CXCL2: variants seen among roughly 807,000 people sequenced by gnomAD.
CXCL2 encodes the protein C-X-C motif chemokine ligand 2, also known as C-X-C motif chemokine 2.
In CXCL2, 12 loss-of-function variants were observed where a neutral mutation model predicts 11.2. That is an observed-to-expected ratio of 1.08 (90% confidence interval 0.69 to 1.74). The LOEUF is 1.74. CXCL2 is among the 40% of genes most tolerant of loss of function. CXCL2 has a pLI of 0.00. For synonymous variants in CXCL2, 68 were observed against 61.9 expected, an observed-to-expected ratio of 1.10 and a Z score of -0.47; for missense variants, 120 against 137.8, an observed-to-expected ratio of 0.87 and a Z score of 0.65.
chr4:74,098,928 G>A lies in CXCL2; in HGVS notation c.101-6C>T. ...TTCAGTGGCCAGGGGCGCTCCTAGGGAAGAAGAGACTCGCTGATTGAGCGG... is the reference window on the plus strand; with the variant it reads ...TTCAGTGGCCAGGGGCGCTCCTAGGAAAGAAGAGACTCGCTGATTGAGCGG... On this transcript the variant is annotated splice_polypyrimidine_tract_variant and splice_region_variant and intron_variant, in intron 1 of 3. Transcript: ENST00000508487. 1.2e-6 allele frequency: 2 copies of A among 1,612,190 alleles called. No individual in the cohort carries two copies. The highest frequency in any genetic ancestry group is 1.7e-6 in the Non-Finnish European group (2 of 1,179,352).
rs374705558 is a variant in CXCL2, at chr4:74,098,989, C to T, written c.100+32G>A. ...GCGGGGCGCCCACCCCAGCCGCGTCCGGCCCGGGGACCCCAGGGCGCCGGG... is the reference window on the plus strand; with the variant it reads ...GCGGGGCGCCCACCCCAGCCGCGTCTGGCCCGGGGACCCCAGGGCGCCGGG... On this transcript the variant is annotated intron_variant, in intron 1 of 3. Coordinates refer to ENST00000508487, the MANE Select transcript of CXCL2 (RefSeq NM_002089.4). 11 of 1,561,908 alleles carry T rather than the reference C, an allele frequency of 7.0e-6. No homozygotes were observed. In the African/African-American group the frequency reaches 7.1e-5, roughly 10 times the overall value.
chr4:74,098,755 C>A (rs1169744527), intron 2 of CXCL2, 44 bp downstream of exon 2: 1 of 1,613,304 alleles, frequency 6.2e-7, no homozygotes, highest in Admixed American at 1.7e-5. Flanking sequence ...GCGGGAGAGT[C>A]GGGGACCCCA....
intron 3 of CXCL2, 45 bp downstream of exon 3, chr4:74,098,556 G>T: frequency 1.3e-6 from 2 of 1,595,728 alleles, no homozygotes; most frequent in South Asian, 2.2e-5. Context: ...CAGTATTTCT[G>T]ACCAACAGCT....
At position 74,098,800 on chromosome 4, in the gene CXCL2, T is replaced by A. The variant is rs918820091; in HGVS notation, c.223A>T (p.Ile75Leu). The change falls in exon 2 of 4, where the codon ATA becomes TTA. Residue 75 changes from isoleucine (I) to leucine (L), a missense_variant and splice_region_variant. Physicochemically the swap from Ile to Leu is conservative, Grantham distance 5 (BLOSUM62 2). Transcript: ENST00000508487. The stretch of plus-strand genomic sequence containing the variant: ...GCGGCAGCGATGGGCGAGACTTACA[T>A]GACTTCGGTTTGGGCGCAGTGGGGT... Reference protein sequence around the residue: ...PGPHCAQTEVIATLKNGQKAC... With the variant: ...PGPHCAQTEVLATLKNGQKAC... 1.1e-5 allele frequency: 17 copies of A among 1,614,028 alleles called. No individual in the cohort carries two copies. The highest frequency in any genetic ancestry group is 1.4e-5 in the Non-Finnish European group (17 of 1,179,930).
In CXCL2 at chr4:74,098,924, T is replaced by C; in HGVS notation, c.101-2A>G. On this transcript the variant is annotated splice_acceptor_variant, in intron 1 of 3. Transcript: ENST00000508487. LOFTEE classifies it high-confidence loss of function. ...GCAGTTCAGTGGCCAGGGGCGCTCC[T>C]AGGGAAGAAGAGACTCGCTGATTGA... is the stretch of plus-strand genomic sequence containing the variant. 1 of 1,612,948 alleles carries C rather than the reference T, an allele frequency of 6.2e-7. No homozygotes were observed. Among genetic ancestry groups the C allele is most frequent in the South Asian group, 1.1e-5 (1 of 90,948 alleles).
At chr4:74,098,175 A>C (rs1560391894) in intron 3 of CXCL2, among the ~76,000 whole-genome samples, 1 of 152,220 alleles carries the variant, frequency 6.6e-6, no homozygotes, top group Non-Finnish European at 1.5e-5. Flanking sequence ...GGTGGCAACC[A>C]GTTATATACC....
Position 74,097,823 on chromosome 4 carries a change from A to G in CXCL2, c.309-52T>C, listed in dbSNP as rs753741502. On this transcript the variant is annotated intron_variant, in intron 3 of 3. Transcript: ENST00000508487. Reference sequence around the variant, plus strand: ...GTAGGTGCTCAGGAAAGCTGACTGCACAACAGTCTTCTCCTGTCCTGTTTC... The same window carrying G: ...GTAGGTGCTCAGGAAAGCTGACTGCGCAACAGTCTTCTCCTGTCCTGTTTC... The G allele has an allele frequency of 9.1e-6, 14 of 1,545,392 alleles. No homozygotes were observed. The African/African-American group carries it at 1.4e-4, about 15-fold the overall frequency.
intron 2 of CXCL2, 45 bp from the exon 3 acceptor site, chr4:74,098,729 G>T: frequency 6.2e-7 from 1 of 1,613,936 alleles, no homozygotes; most frequent in Non-Finnish European, 8.5e-7. Context: ...TCGGGCTGAG[G>T]ACAGGGTTTG....
rs1721340110 is a variant in CXCL2, at chr4:74,098,841, T to C, written c.182A>G (p.Lys61Arg). Residue 61 changes from lysine (K) to arginine (R), a missense_variant, in exon 2 of 4, where the codon AAG (lysine) becomes AGG (arginine). Coordinates refer to ENST00000508487, the MANE Select transcript of CXCL2 (RefSeq NM_002089.4). ...GIHLKNIQSV[K>R]VKSPGPHCAQ... The stretch of plus-strand genomic sequence containing the variant: ...GCAGTGGGGTCCGGGGGACTTCACC[T>C]TCACACTTTGGATGTTCTTGAGGTG... 2 of 1,614,106 alleles carry C rather than the reference T, an allele frequency of 1.2e-6. No homozygotes were observed. Among genetic ancestry groups the C allele is most frequent in the Admixed American group, 1.7e-5 (1 of 60,012 alleles).
chr4:74,098,691 A>C lies in CXCL2; in HGVS notation c.225-7T>G, dbSNP rs1381605712. 6.2e-7 allele frequency: 1 copy of C among 1,613,912 alleles called. No homozygotes were observed. Among genetic ancestry groups the C allele is most frequent in the African/African-American group, 1.3e-5 (1 of 74,908 alleles). On this transcript the variant is annotated splice_region_variant and splice_polypyrimidine_tract_variant and intron_variant, in intron 2 of 3. Transcript: ENST00000508487. ...CCCATTCTTGAGTGTGGCTCTGCAG[A>C]GAGAAGGGAATCTCGTGAGACAGGA...
rs201218927 is a variant in CXCL2 at position 74,098,879 on chromosome 4, G to T, written c.144C>A (p.Thr48=). Residue 48 remains threonine, a synonymous_variant, in exon 2 of 4, where the codon ACC becomes ACA. Transcript: ENST00000508487. Reference sequence around the variant, plus strand: ...TGTTCTTGAGGTGAATTCCCTGCAGGGTCTGCAAGCACTGGCAGCGCAGTT... The same window carrying T: ...TGTTCTTGAGGTGAATTCCCTGCAGTGTCTGCAAGCACTGGCAGCGCAGTT... ...ATELRCQCLQ[T]LQGIHLKNIQ... 3.6e-5 allele frequency: 58 copies of T among 1,614,066 alleles called. No homozygotes were observed. Among genetic ancestry groups the T allele is most frequent in the East Asian group, 2.7e-4 (12 of 44,874 alleles).
At chr4:74,097,816 T>A in intron 3 of CXCL2, 45 bp from the exon 4 acceptor site, 1 of 1,564,344 alleles carries the variant, frequency 6.4e-7, no homozygotes, top group South Asian at 1.2e-5. Context: ...TCAGGAAAGC[T>A]GACTGCACAA....
chr4:74,098,807 G>A lies in CXCL2; in HGVS notation c.216C>T (p.Thr72=). Residue 72 remains threonine, a synonymous_variant, in exon 2 of 4, where the codon ACC becomes ACT. Transcript: ENST00000508487. ...CGATGGGCGAGACTTACATGACTTC[G>A]GTTTGGGCGCAGTGGGGTCCGGGGG... is the stretch of plus-strand genomic sequence containing the variant. ...VKSPGPHCAQ[T]EVIATLKNGQ... The A allele has an allele frequency of 6.2e-7, 1 of 1,614,092 alleles. No individual in the cohort carries two copies. Among genetic ancestry groups the A allele is most frequent in the Non-Finnish European group, 8.5e-7 (1 of 1,179,966 alleles).
intron 2 of CXCL2, 26 bp from the exon 3 acceptor site, chr4:74,098,710 G>T: frequency 6.2e-7 from 1 of 1,614,120 alleles, no homozygotes; most frequent in South Asian, 1.1e-5. Flanking sequence ...AATCTCGTGA[G>T]ACAGGAGGTC....
Position 74,098,678 on chromosome 4 carries a change from T to A in CXCL2, c.231A>T (p.Thr77=), listed in dbSNP as rs1375886357. Residue 77 remains threonine (T), a synonymous_variant, in exon 3 of 4, where the codon ACA becomes ACT. Coordinates refer to ENST00000508487, the MANE Select transcript of CXCL2 (RefSeq NM_002089.4). ...GACAAGCTTTCTGCCCATTCTTGAG[T>A]GTGGCTCTGCAGAGAGAAGGGAATC... ...PHCAQTEVIA[T]LKNGQKACLN... The A allele has an allele frequency of 6.2e-7, 1 of 1,614,056 alleles. No individual in the cohort carries two copies. Among genetic ancestry groups the A allele is most frequent in the Non-Finnish European group, 8.5e-7 (1 of 1,179,992 alleles).
rs771258965 is a variant in CXCL2, at chr4:74,098,894, G to A, written c.129C>T (p.Cys43=). ...TTCCCTGCAGGGTCTGCAAGCACTG[G>A]CAGCGCAGTTCAGTGGCCAGGGGCG... ...AGAPLATELR[C]QCLQTLQGIH... Residue 43 remains cysteine, a synonymous_variant, in exon 2 of 4, where the codon TGC becomes TGT. Coordinates refer to ENST00000508487, the MANE Select transcript of CXCL2 (RefSeq NM_002089.4). 1.2e-6 allele frequency: 2 copies of A among 1,614,196 alleles called. No individual in the cohort carries two copies. Among genetic ancestry groups the A allele is most frequent in the Non-Finnish European group, 8.5e-7 (1 of 1,180,030 alleles).
In CXCL2 at chr4:74,097,794, C is replaced by T. The variant is rs779584893; in HGVS notation, c.309-23G>A. ...CCACTGTAATGAGAAAATGGGTGCC[C>T]TGAGTAGGTGCTCAGGAAAGCTGAC... On this transcript the variant is annotated intron_variant, in intron 3 of 3. Transcript: ENST00000508487. The T allele has an allele frequency of 8.2e-6, 13 of 1,588,856 alleles. No individual in the cohort carries two copies. The African/African-American group carries it at 1.6e-4, about 20-fold the overall frequency.
chr4:74,097,798 G>C (rs1329864648), intron 3 of CXCL2, 27 bp from the exon 4 acceptor site: 1 of 1,586,396 alleles, frequency 6.3e-7, no homozygotes, highest in Non-Finnish European at 8.6e-7. Context: ...GGTGCCCTGA[G>C]TAGGTGCTCA....
In CXCL2 at chr4:74,097,728, C is replaced by T; in HGVS notation, c.*28G>A. The T allele has an allele frequency of 6.3e-7, 1 of 1,595,314 alleles. No individual in the cohort carries two copies. Among genetic ancestry groups the T allele is most frequent in the Non-Finnish European group, 8.6e-7 (1 of 1,169,462 alleles). ...GGGCAGGGCCTCCTTCAGGAACAGC[C>T]ACCAATAAGCTTCCTCCTTCCTTCT... On this transcript the variant is annotated 3_prime_UTR_variant, in exon 4 of 4. Coordinates refer to ENST00000508487, the MANE Select transcript of CXCL2 (RefSeq NM_002089.4).
Sources: gnomAD v4.1 joint callset for allele counts (sites outside exome capture counted in the v4.1 genomes callset) on GRCh38, gnomAD v4.1.1 for gene constraint, MANE v1.5 for transcripts, NCBI Gene and HGNC (gene_info 2026-07-23, HGNC 2026-07-21) for gene names.